PHLPP1: variants seen among roughly 807,000 people sequenced by gnomAD.
PHLPP1 encodes PH domain leucine-rich repeat-containing protein phosphatase 1.
In PHLPP1, 42 loss-of-function variants were observed where a neutral mutation model predicts 117.2. That is an observed-to-expected ratio of 0.36 (90% CI 0.28 to 0.46). The LOEUF is 0.46. Ranked by LOEUF, PHLPP1 falls within the 20% of genes least tolerant of loss-of-function variation. The pLI is 1.00. For missense variants in PHLPP1, 2,084 were observed against 2,241.9 expected (o/e 0.93, Z 1.42); for synonymous variants, 1,042 against 970.7 (o/e 1.07, Z -1.37).
intron 1 of PHLPP1, among the ~76,000 whole-genome samples, chr18:62,733,094 G>T (rs1027793428): frequency 1.1e-4 from 16 of 152,214 alleles, no homozygotes; most frequent in African/African-American, 3.1e-4. Flanking sequence ...GGGTTTGAGA[G>T]AATTGACTCC....
intron 12 of PHLPP1, among the ~76,000 whole-genome samples, chr18:62,957,756 C>T (rs1451815078): frequency 6.6e-6 from 1 of 151,140 alleles, no homozygotes; most frequent in Non-Finnish European, 1.5e-5. Context: ...ACTCTTGTTG[C>T]ACAGGCTGGA....
At chr18:62,936,347 A>G (rs544166479) in intron 10 of PHLPP1, among the ~76,000 whole-genome samples, 1 of 152,336 alleles carries the variant, frequency 6.6e-6, no homozygotes, top group Admixed American at 6.5e-5. Context: ...TTGTAGGATA[A>G]TTCCATTTAA....
At chr18:62,850,432 C>T (rs1273705575) in intron 3 of PHLPP1, among the ~76,000 whole-genome samples, 1 of 151,810 alleles carries the variant, frequency 6.6e-6, no homozygotes, top group Non-Finnish European at 1.5e-5. Flanking sequence ...AGTAGTAGAA[C>T]CACTTGAATA....
At chr18:62,782,751 T>G (rs1483240044) in intron 1 of PHLPP1, among the ~76,000 whole-genome samples, 2 of 152,110 alleles carry the variant, frequency 1.3e-5, no homozygotes, top group African/African-American at 4.8e-5. Context: ...TACCTGTAAA[T>G]TATTTGAGGG....
intron 1 of PHLPP1, among the ~76,000 whole-genome samples, chr18:62,755,244 C>G (rs192279962): frequency 6.6e-6 from 1 of 151,808 alleles, no homozygotes; most frequent in Non-Finnish European, 1.5e-5. Context: ...TGTAACTAGC[C>G]CGGACGTCCA....
rs148431778 is a variant in PHLPP1, at chr18:62,789,218, A to G, written c.1577-40817A>G. On this transcript the variant is annotated intron_variant, in intron 1 of 16. Coordinates refer to ENST00000262719, the MANE Select transcript of PHLPP1 (RefSeq NM_194449.4). ...TTTCTTTCCTTAAGCATTAGTGAAT[A>G]TATGTAAGATTTTGTTGTTTTCCAC... 7.9e-5 allele frequency among the ~76,000 whole-genome samples: 12 copies of G among 152,308 alleles called. No individual in the cohort carries two copies. In the East Asian group the frequency reaches 2.3e-3, roughly 29 times the overall value.
intron 1 of PHLPP1, among the ~76,000 whole-genome samples, chr18:62,754,481 CGTTAAGAGGAACAA>C (rs1911951379): frequency 6.6e-6 from 1 of 152,190 alleles, no homozygotes; most frequent in East Asian, 1.9e-4. Context: ...AGAGGCTTTC[CGTTAAGAGGAACAA>C]GAAGATTGCA....
At chr18:62,851,502 C>T (rs1915349589) in intron 3 of PHLPP1, among the ~76,000 whole-genome samples, 1 of 152,170 alleles carries the variant, frequency 6.6e-6, no homozygotes, top group African/African-American at 2.4e-5. Flanking sequence ...GCTCTGTCGC[C>T]TAGGCTGGAG....
At chr18:62,874,696 CGCTCTCTG>C (rs1916003888) in intron 4 of PHLPP1, among the ~76,000 whole-genome samples, 1 of 143,336 alleles carries the variant, frequency 7.0e-6, no homozygotes, top group Non-Finnish European at 1.5e-5. Context: ...CACACACTCT[CGCTCTCTG>C]TCTCTCTCTG....
In PHLPP1 at chr18:62,978,398, A is replaced by G; in HGVS notation, c.4121A>G (p.Lys1374Arg). Reference sequence around the variant, plus strand: ...GATGAGTTCTTCATCCTAGGCAGTAAGGGGTTGTGGGACAGCCTGTCCGTC... The same window carrying G: ...GATGAGTTCTTCATCCTAGGCAGTAGGGGGTTGTGGGACAGCCTGTCCGTC... The part of the protein sequence containing the change: ...PQDEFFILGS[K>R]GLWDSLSVEE... Residue 1374 changes from lysine (K) to arginine (R), a missense_variant, in exon 17 of 17, where the codon AAG becomes AGG. Physicochemically the swap from Lys to Arg is conservative, Grantham distance 26. Coordinates refer to ENST00000262719, the MANE Select transcript of PHLPP1 (RefSeq NM_194449.4). This position sits in a 1 kb window ranked among gnomAD's most constrained non-coding sequence, Gnocchi z 7.0. 2.5e-6 allele frequency: 4 copies of G among 1,612,558 alleles called. No homozygotes were observed. The highest frequency in any genetic ancestry group is 3.4e-6 in the Non-Finnish European group (4 of 1,179,366).
At chr18:62,824,357 T>C (rs58824025) in intron 1 of PHLPP1, among the ~76,000 whole-genome samples, 2,012 of 151,666 alleles carry the variant, frequency 0.013, 38 homozygotes, top group African/African-American at 0.046. Flanking sequence ...GATCAATGGT[T>C]AAACTGTGGT....
chr18:62,794,821 C>T lies in PHLPP1; in HGVS notation c.1577-35214C>T, dbSNP rs1913577050. 2.0e-5 allele frequency among the ~76,000 whole-genome samples: 3 copies of T among 152,272 alleles called. 1 individual carries two copies. The Middle Eastern group carries it at 0.01, about 518-fold the overall frequency. ...ACTGGCCCTTGTTATGTAAATGCTCCAAGTGGACTCTGTAGTGTGGTGTTT... is the reference window on the plus strand; with the variant it reads ...ACTGGCCCTTGTTATGTAAATGCTCTAAGTGGACTCTGTAGTGTGGTGTTT... On this transcript the variant is annotated intron_variant, in intron 1 of 16. Transcript: ENST00000262719.
chr18:62,920,204 T>C, intron 10 of PHLPP1, 90 bp downstream of exon 10: 1 of 1,204,678 alleles, frequency 8.3e-7, no homozygotes. Context: ...TGTATAAACT[T>C]TCTGAGTATG....
At chr18:62,789,050 A>C (rs1326282156) in intron 1 of PHLPP1, among the ~76,000 whole-genome samples, 1 of 152,160 alleles carries the variant, frequency 6.6e-6, no homozygotes, top group African/African-American at 2.4e-5. Flanking sequence ...CCATAAAGCT[A>C]AATTAAACAA....
At chr18:62,760,287 AT>A (rs1371930561) in intron 1 of PHLPP1, among the ~76,000 whole-genome samples, 1 of 152,096 alleles carries the variant, frequency 6.6e-6, no homozygotes, top group African/African-American at 2.4e-5. Flanking sequence ...ATACATACAC[AT>A]GGTCTCCTGT....
At chr18:62,730,506 A>AG (rs1243973091) in intron 1 of PHLPP1, among the ~76,000 whole-genome samples, 31 of 150,242 alleles carry the variant, frequency 2.1e-4, no homozygotes, top group Admixed American at 6.0e-4. Context: ...AGAGAGAGAG[A>AG]AAAAAAAAGG....
intron 10 of PHLPP1, among the ~76,000 whole-genome samples, chr18:62,920,893 TATC>T (rs1373125280): frequency 5.3e-5 from 8 of 152,226 alleles, no homozygotes; most frequent in African/African-American, 1.9e-4. Flanking sequence ...TTCTTATCTT[TATC>T]ATAATTAATT....
At chr18:62,834,266 C>T (rs1914831139) in intron 2 of PHLPP1, among the ~76,000 whole-genome samples, 1 of 152,128 alleles carries the variant, frequency 6.6e-6, no homozygotes, top group Non-Finnish European at 1.5e-5. Context: ...CATGCCACTT[C>T]TCTCTGTGGC....
intron 3 of PHLPP1, among the ~76,000 whole-genome samples, chr18:62,852,049 T>A (rs1362400464): frequency 2.0e-5 from 3 of 151,784 alleles, no homozygotes; most frequent in Non-Finnish European, 2.9e-5. Flanking sequence ...GCCAATTTTT[T>A]AATTTAATTT....
Sources: gnomAD v4.1 joint callset for allele counts (sites outside exome capture counted in the v4.1 genomes callset) on GRCh38, gnomAD v4.1.1 for gene constraint, Gnocchi (gnomAD v3.1) non-coding constraint, MANE v1.5 for transcripts, NCBI Gene and HGNC (gene_info 2026-07-23, HGNC 2026-07-21) for gene names.